Variants in TRMT11 observed in about 807,000 individuals in gnomAD.
TRMT11 encodes tRNA (guanine(10)-N(2))-methyltransferase TRMT11.
In TRMT11, 53 loss-of-function variants were observed where a neutral mutation model predicts 62.8. That is an observed-to-expected ratio of 0.84 (90% CI 0.68 to 1.06). The LOEUF is 1.06. TRMT11 is among the 50% of genes least tolerant of loss of function. TRMT11 has a pLI of 0.00. For synonymous variants in TRMT11, 188 were observed against 190.3 expected (o/e 0.99, Z 0.10); for missense variants, 556 against 553.4 (o/e 1.00, Z -0.05).
intron 21 of TRMT11, among the ~76,000 whole-genome samples, chr6:126,117,809 C>A (rs543206956): frequency 6.6e-6 from 1 of 152,122 alleles, no homozygotes; most frequent in East Asian, 1.9e-4. Flanking sequence ...TGGAGTCAGG[C>A]GATGTGGATT....
intron 9 of TRMT11, 107 bp from the exon 10 acceptor site, chr6:126,012,664 G>A (rs1030285510): frequency 1.8e-5 from 13 of 724,614 alleles, no homozygotes; most frequent in Non-Finnish European, 3.1e-5. Flanking sequence ...CATTGGTGAT[G>A]TTGTGTTCTT....
chr6:126,003,662 G>A (rs1056019022), intron 7 of TRMT11, among the ~76,000 whole-genome samples: 7 of 151,922 alleles, frequency 4.6e-5, no homozygotes, highest in African/African-American at 9.7e-5. Context: ...TATTTTAAGG[G>A]CCATTATGAC....
At chr6:126,211,909 CCT>C in the TRMT11 span, among the ~76,000 whole-genome samples, 1 of 152,016 alleles carries the variant, frequency 6.6e-6, no homozygotes, top group African/African-American at 2.4e-5. Context: ...TAGTAACCAT[CCT>C]CTCTTTACTC....
At chr6:126,148,592 C>T (rs1162619900) in intron 21 of TRMT11, among the ~76,000 whole-genome samples, 1 of 151,982 alleles carries the variant, frequency 6.6e-6, no homozygotes, top group African/African-American at 2.4e-5. Flanking sequence ...CCTCTCTAAG[C>T]TTATTTTCCC....
chr6:126,261,800 G>A, the TRMT11 span, among the ~76,000 whole-genome samples: 2 of 152,192 alleles, frequency 1.3e-5, no homozygotes. Flanking sequence ...TGAGCTGGTT[G>A]TTGGGTTGGG....
chr6:126,069,459 T>G (rs1272832799), intron 17 of TRMT11, among the ~76,000 whole-genome samples: 2 of 152,248 alleles, frequency 1.3e-5, no homozygotes, highest in Non-Finnish European at 1.5e-5. Flanking sequence ...TTCTTTTCTT[T>G]TTTTTCTTTC....
intron 1 of TRMT11, among the ~76,000 whole-genome samples, chr6:126,187,497 T>C (rs11968697): frequency 0.11 from 17,101 of 152,028 alleles, 3,187 homozygotes; most frequent in African/African-American, 0.39. Context: ...CGTCTGTAAA[T>C]TGTTAGACTC....
At chr6:126,139,869 AAAT>A (rs1430534868) in intron 21 of TRMT11, among the ~76,000 whole-genome samples, 2 of 152,106 alleles carry the variant, frequency 1.3e-5, no homozygotes, top group African/African-American at 4.8e-5. Context: ...TATCATTTGC[AAAT>A]AATGATAATT....
rs1448727004 is a variant in TRMT11 at position 126,011,300 on chromosome 6, A to G, written c.808A>G (p.Ile270Val). The G allele has an allele frequency of 6.2e-7, 1 of 1,613,460 alleles. No homozygotes were observed. ...GAAGTGGAGAGGACCAGATGAAAAC[A>G]TTAGGGCCAATCTTCGTCAATATGG... ...NQKWRGPDEN[I>V]RANLRQYGLE... Residue 270 changes from isoleucine (I) to valine (V), a missense_variant, in exon 9 of 13, where the codon ATT becomes GTT. Transcript: ENST00000334379.
At chr6:126,003,624 G>T (rs1344847545) in intron 7 of TRMT11, among the ~76,000 whole-genome samples, 1 of 151,952 alleles carries the variant, frequency 6.6e-6, no homozygotes, top group Admixed American at 6.6e-5. Context: ...TATGTCTATG[G>T]TTACGAATGA....
intron 21 of TRMT11, among the ~76,000 whole-genome samples, chr6:126,151,060 T>C (rs1442129294): frequency 6.6e-6 from 1 of 152,212 alleles, no homozygotes; most frequent in Non-Finnish European, 1.5e-5. Context: ...AATTATTAGT[T>C]CTCATTTTCT....
At chr6:126,015,601 A>T (rs1188417431) in intron 11 of TRMT11, among the ~76,000 whole-genome samples, 1 of 152,158 alleles carries the variant, frequency 6.6e-6, no homozygotes, top group East Asian at 1.9e-4. Flanking sequence ...ATTTTTCAGA[A>T]ACAAGAACAT....
intron 17 of TRMT11, among the ~76,000 whole-genome samples, chr6:126,106,143 A>G (rs1291599904): frequency 2.0e-5 from 3 of 149,224 alleles, no homozygotes; most frequent in Middle Eastern, 7.0e-3. Flanking sequence ...CTAGGATTCC[A>G]GTTGGATTTT....
intron 21 of TRMT11, among the ~76,000 whole-genome samples, chr6:126,158,986 T>C (rs867551759): frequency 9.2e-5 from 14 of 152,154 alleles, no homozygotes; most frequent in Non-Finnish European, 1.6e-4. Context: ...GAAACATTAC[T>C]TAGGTGGCCC....
At chr6:126,133,013 T>A (rs1226300719) in intron 21 of TRMT11, among the ~76,000 whole-genome samples, 1 of 152,036 alleles carries the variant, frequency 6.6e-6, no homozygotes, top group Admixed American at 6.6e-5. Flanking sequence ...ATCAGGATAT[T>A]GTTTTTAAGA....
At chr6:126,049,408 G>A (rs1776148830) in intron 16 of TRMT11, among the ~76,000 whole-genome samples, 1 of 152,050 alleles carries the variant, frequency 6.6e-6, no homozygotes, top group Non-Finnish European at 1.5e-5. Context: ...TCTAGTTGAC[G>A]TATTATCTTC....
intron 3 of TRMT11, among the ~76,000 whole-genome samples, chr6:125,997,282 A>C (rs1380947653): frequency 6.6e-6 from 1 of 152,248 alleles, no homozygotes; most frequent in Non-Finnish European, 1.5e-5. Context: ...TTACAATTTA[A>C]CTGTATCAGA....
At chr6:126,198,890 C>A (rs1302082114) in intron 2 of TRMT11, 1 of 152,176 alleles carries the variant, frequency 6.6e-6, no homozygotes, top group Non-Finnish European at 1.5e-5. Flanking sequence ...GCAGCACAAC[C>A]TTCCAAGAAC....
At chr6:126,255,017 AT>A in the TRMT11 span, among the ~76,000 whole-genome samples, 1 of 152,148 alleles carries the variant, frequency 6.6e-6, no homozygotes, top group Non-Finnish European at 1.5e-5. Context: ...AATAAAAAAT[AT>A]TTCTTGAGAG....
Sources: allele counts gnomAD v4.1 joint callset (sites outside exome capture counted in the v4.1 genomes callset), GRCh38; gene constraint gnomAD v4.1.1; transcripts MANE v1.5; gene names NCBI Gene and HGNC (gene_info 2026-07-23, HGNC 2026-07-21).